ENOSF1: variants seen among roughly 807,000 people sequenced by gnomAD.
The protein encoded by ENOSF1 is mitochondrial enolase superfamily member 1.
ENOSF1 carries 73 observed loss-of-function variants against 68.2 expected under a neutral mutation model. The ratio of observed to expected loss-of-function variants is 1.07; its 90% CI spans 0.89 to 1.30. The LOEUF (loss-of-function observed/expected upper bound fraction) is 1.30, where lower values mean the gene tolerates loss of function less well. Among genes scored for constraint, ENOSF1 ranks in the 50% most tolerant of loss-of-function variants. The pLI is 0.00. For missense variants in ENOSF1, 589 were observed against 554.5 expected, an observed-to-expected ratio of 1.06 and a Z score of -0.62; for synonymous variants, 223 against 210.4, an observed-to-expected ratio of 1.06 and a Z score of -0.52.
intron 10 of ENOSF1, among the ~76,000 whole-genome samples, chr18:684,479 T>C (rs1468727445): frequency 6.6e-6 from 1 of 151,994 alleles, no homozygotes; most frequent in Non-Finnish European, 1.5e-5. Context: ...CAGTGAGGTG[T>C]GATCATGCTG....
At chr18:693,073 G>A (rs561564961) in intron 5 of ENOSF1, 25 of 1,287,148 alleles carry the variant, frequency 1.9e-5, no homozygotes, top group Middle Eastern at 2.1e-4. Context: ...TGCAGCTGGT[G>A]AGCAGTGAAA....
chr18:686,281 G>A (rs761010764), intron 9 of ENOSF1: 3 of 361,922 alleles, frequency 8.3e-6, no homozygotes, highest in African/African-American at 2.1e-5. Flanking sequence ...AATTAACTCC[G>A]TTTTTGCCGG....
At chr18:687,509 A>T (rs1286689673) in intron 9 of ENOSF1, 3 of 152,180 alleles carry the variant, frequency 2.0e-5, no homozygotes, top group Non-Finnish European at 4.4e-5. Flanking sequence ...AGGCTCAGAG[A>T]CCAGAGTGGC....
chr18:679,208 C>CTT lies in ENOSF1; in HGVS notation c.877-473_877-472dup, dbSNP rs71174268. The stretch of plus-strand genomic sequence containing the variant: ...ACCTCCTTCTAGAACCCTCTCATAT[C>CTT]TTTTTTTTTTTTTTTTTTTGAGACC... On this transcript the variant is annotated intron_variant, in intron 11 of 15. Coordinates refer to ENST00000647584, the MANE Select transcript of ENOSF1 (RefSeq NM_017512.7). Among the ~76,000 whole-genome samples, 492 of 123,758 alleles carry CTT rather than the reference C, an allele frequency of 4.0e-3. 11 individuals carry two copies. Among genetic ancestry groups the CTT allele is most frequent in the African/African-American group, 0.012 (388 of 31,682 alleles). The allele number at this position is 123,758 out of a possible 152,430, so 81.2% of individuals were successfully genotyped here. A position where few individuals can be genotyped will look rare whatever the true frequency, so the allele number is the denominator to read the frequency against.
intron 10 of ENOSF1, among the ~76,000 whole-genome samples, chr18:684,218 A>G (rs1164884183): frequency 6.6e-6 from 1 of 151,784 alleles, no homozygotes; most frequent in Non-Finnish European, 1.5e-5. Flanking sequence ...GATGGTCTCA[A>G]TCTCCTGACC....
Position 671,010 on chromosome 18 carries a change from A to G in ENOSF1, c.*3295T>C. 2 of 1,014,682 alleles carry G rather than the reference A, an allele frequency of 2.0e-6. No homozygotes were observed. Among genetic ancestry groups the G allele is most frequent in the South Asian group, 1.7e-5 (1 of 59,202 alleles). The allele number at this position is 1,014,682 out of a possible 1,614,324, so 62.9% of individuals were successfully genotyped here. Reference sequence around the variant, plus strand: ...GTAAGTAAGAAATGAACCAGCTTTTACTTTGAAACCTTCCTCTTCTGGAAG... The same window carrying G: ...GTAAGTAAGAAATGAACCAGCTTTTGCTTTGAAACCTTCCTCTTCTGGAAG... On this transcript the variant is annotated 3_prime_UTR_variant, in exon 16 of 16. Transcript: ENST00000647584.
intron 2 of ENOSF1, among the ~76,000 whole-genome samples, chr18:701,192 A>G (rs78517780): frequency 1.4e-3 from 217 of 152,160 alleles, no homozygotes; most frequent in East Asian, 0.013. Flanking sequence ...ATCTTTTTCT[A>G]TTTTTTAAAA....
chr18:675,742 C>T (rs767591494), intron 14 of ENOSF1, among the ~76,000 whole-genome samples: 2 of 152,192 alleles, frequency 1.3e-5, no homozygotes, highest in Non-Finnish European at 2.9e-5. Context: ...ATTAAAATCA[C>T]CACATTTTGT....
At chr18:690,824 C>A in intron 7 of ENOSF1, 193 bp from the exon 8 acceptor site, 1 of 1,423,250 alleles carries the variant, frequency 7.0e-7, no homozygotes. Flanking sequence ...CTGCCCTGCT[C>A]CCCCAGGGCT....
At position 690,601 on chromosome 18, in the gene ENOSF1, G is replaced by A. The variant is rs569757909; in HGVS notation, c.566C>T (p.Ala189Val). The A allele has an allele frequency of 5.0e-6, 8 of 1,613,990 alleles. No homozygotes were observed. In the African/African-American group the frequency reaches 1.1e-4, roughly 22 times the overall value. Residue 189 changes from alanine (A) to valine (V), a missense_variant, in exon 8 of 16, where the codon GCT becomes GTT. Coordinates refer to ENST00000647584, the MANE Select transcript of ENOSF1 (RefSeq NM_017512.7). ...CAGCCAGGCGCACGATGTCGTGTAA[G>A]CAGGGTATCCTTGTGCCAGCATTTG... ...EKQMLAQGYP[A>V]YTTSCAWLGY...
At chr18:697,463 A>T (rs922858715) in intron 2 of ENOSF1, 108 bp from the exon 3 acceptor site, 16 of 925,082 alleles carry the variant, frequency 1.7e-5, no homozygotes, top group Admixed American at 2.2e-5. Context: ...GAAAAAATTA[A>T]ATCTAGGCCA....
chr18:684,917 G>C (rs916471659), intron 10 of ENOSF1, among the ~76,000 whole-genome samples: 7 of 152,198 alleles, frequency 4.6e-5, no homozygotes, highest in Non-Finnish European at 1.0e-4. Flanking sequence ...CTGGAGTGCA[G>C]TGGTATTATT....
chr18:680,676 G>GTTTTTTTTTT (rs33931715), intron 11 of ENOSF1, among the ~76,000 whole-genome samples: 1 of 101,034 alleles, frequency 9.9e-6, no homozygotes, highest in Non-Finnish European at 1.9e-5. Context: ...ATGCTGTTGT[G>GTTTTTTTTTT]TTTTTTTTTT....
At chr18:683,871 C>A (rs1283620297) in intron 10 of ENOSF1, among the ~76,000 whole-genome samples, 2 of 152,090 alleles carry the variant, frequency 1.3e-5, no homozygotes, top group South Asian at 4.1e-4. Context: ...TAATGGCACA[C>A]CTACTCCACT....
At chr18:694,014 TC>T in intron 4 of ENOSF1, 106 bp from the exon 5 acceptor site, 1 of 1,300,996 alleles carries the variant, frequency 7.7e-7, no homozygotes, top group Non-Finnish European at 1.1e-6. Flanking sequence ...AGCCACCAGG[TC>T]CCCACACCCC....
chr18:667,786 G>A (rs866160893), downstream of ENOSF1: 2 of 152,286 alleles, frequency 1.3e-5, no homozygotes, highest in South Asian at 4.2e-4. Context: ...CTGCACCTCA[G>A]TTGTAGGGTG....
chr18:676,733 G>A (rs2075561806), intron 14 of ENOSF1, among the ~76,000 whole-genome samples: 2 of 152,158 alleles, frequency 1.3e-5, no homozygotes, highest in Non-Finnish European at 2.9e-5. Flanking sequence ...AGAGAAAAAC[G>A]GTTACCATTA....
Position 677,781 on chromosome 18 carries a change from T to C in ENOSF1, c.1010A>G (p.Glu337Gly), listed in dbSNP as rs750474763. Residue 337 changes from glutamate (E) to glycine (G), a missense_variant, in exon 13 of 16, where the codon GAG (glutamate) becomes GGG (glycine). Transcript: ENST00000647584. ...IDSCRLGSVN[E>G]NLSVLLMAKK... ...GGCCATCAGCAATACTGAGAGGTTC[T>C]CATTGACACTGCCCAGTCTGCAACT... 4 of 1,614,040 alleles carry C rather than the reference T, an allele frequency of 2.5e-6. No individual in the cohort carries two copies. The highest frequency in any genetic ancestry group is 1.7e-5 in the Admixed American group (1 of 59,990).
chr18:688,600 G>A lies in ENOSF1; in HGVS notation c.627C>T (p.Ala209=), dbSNP rs1488168368. 3 of 1,614,042 alleles carry A rather than the reference G, an allele frequency of 1.9e-6. No homozygotes were observed. Among genetic ancestry groups the A allele is most frequent in the Non-Finnish European group, 2.5e-6 (3 of 1,179,998 alleles). The part of the protein sequence containing the change: ...YSDDTLKQLC[A]QALKDGWTRF... ...TGGTCCAGCCATCCTTCAGCGCCTG[G>A]GCACAGAGCTGTGGGAAAGGAGCAC... The change falls in exon 9 of 16, where the codon GCC becomes GCT. Residue 209 remains alanine, a synonymous_variant. Transcript: ENST00000647584.
Sources: gnomAD v4.1 joint callset for allele counts (sites outside exome capture counted in the v4.1 genomes callset) on GRCh38, gnomAD v4.1.1 for gene constraint, MANE v1.5 for transcripts, NCBI Gene and HGNC (gene_info 2026-07-23, HGNC 2026-07-21) for gene names.